Variants in CACNA1E observed in about 807,000 individuals in gnomAD.
CACNA1E encodes the protein calcium voltage-gated channel subunit alpha1 E, also known as voltage-dependent R-type calcium channel subunit alpha-1E.
A neutral mutation model predicts 259.2 loss-of-function variants in CACNA1E; 40 were observed. That is an observed-to-expected ratio of 0.15 (90% CI 0.12 to 0.20). The LOEUF is 0.20. CACNA1E is among the 10% of genes least tolerant of loss of function. The probability of loss-of-function intolerance (pLI) is 1.00; values close to 1 mark genes in which losing one functional copy is unlikely to be tolerated. For synonymous variants in CACNA1E, 1,104 were observed against 1,138.5 expected (o/e 0.97, Z 0.61); for missense variants, 1,874 against 3,040.1 (o/e 0.62, Z 9.02).
chr1:181,512,518 C>T (rs897031044), intron 3 of CACNA1E, among the ~76,000 whole-genome samples: 2 of 152,078 alleles, frequency 1.3e-5, no homozygotes, highest in East Asian at 3.8e-4. Context: ...AATTGTTTTC[C>T]AGGGAGGAGT....
intron 15 of CACNA1E, 127 bp from the exon 16 acceptor site, chr1:181,721,631 T>C (rs929779138): frequency 7.7e-6 from 4 of 517,136 alleles, no homozygotes; most frequent in Non-Finnish European, 1.4e-5. Flanking sequence ...TTTTTTTAAC[T>C]CCCTGGCAAG....
At chr1:181,695,818 G>A (rs1010467426) in intron 7 of CACNA1E, among the ~76,000 whole-genome samples, 1 of 152,132 alleles carries the variant, frequency 6.6e-6, no homozygotes, top group African/African-American at 2.4e-5. Context: ...ACCCAGGTGT[G>A]GTGGTGTCTG....
At chr1:181,346,236 C>G (rs1652583489) in intron 1 of CACNA1E, among the ~76,000 whole-genome samples, 1 of 152,230 alleles carries the variant, frequency 6.6e-6, no homozygotes. Context: ...GATCTTTTCT[C>G]AAAAGTCATT....
At chr1:181,564,640 T>C (rs1649640492) in intron 3 of CACNA1E, among the ~76,000 whole-genome samples, 1 of 152,238 alleles carries the variant, frequency 6.6e-6, no homozygotes, top group Non-Finnish European at 1.5e-5. Flanking sequence ...GCATGTAGAA[T>C]GGTGAGTCCT....
At chr1:181,562,306 T>C (rs927883330) in intron 3 of CACNA1E, among the ~76,000 whole-genome samples, 1 of 152,202 alleles carries the variant, frequency 6.6e-6, no homozygotes, top group Non-Finnish European at 1.5e-5. Context: ...CAATTCACTG[T>C]CCTACTGGTG....
chr1:181,755,209 A>G (rs1472399887), intron 27 of CACNA1E, 28 bp from the exon 28 acceptor site: 1 of 1,599,876 alleles, frequency 6.3e-7, no homozygotes, highest in Admixed American at 1.7e-5. Flanking sequence ...CAGGGTTCAC[A>G]CAGCAGGGCT....
At position 181,641,703 on chromosome 1, in the gene CACNA1E, G is replaced by GTTTTTTTTT. The variant is rs751082929; in HGVS notation, c.952-9615_952-9607dup. On this transcript the variant is annotated intron_variant, in intron 6 of 47. Transcript: ENST00000367573. Reference sequence around the variant, plus strand: ...GATCATGAGGCAACACTAATTTTTTGTTTTTTTTTTTTTTTTTTTTTTTTT... The same window carrying GTTTTTTTTT: ...GATCATGAGGCAACACTAATTTTTTGTTTTTTTTTTTTTTTTTTTTTTTTTTTTTTTTTT... Among the ~76,000 whole-genome samples, 18 of 81,128 alleles carry GTTTTTTTTT rather than the reference G, an allele frequency of 2.2e-4. 2 individuals are homozygous for GTTTTTTTTT. Among genetic ancestry groups the GTTTTTTTTT allele is most frequent in the Non-Finnish European group, 3.0e-4 (12 of 40,424 alleles). 53.2% of individuals were successfully genotyped at this position (81,128 alleles called of 152,430 possible). A position where few individuals can be genotyped will look rare whatever the true frequency, so the allele number is the denominator to read the frequency against.
intron 1 of CACNA1E, among the ~76,000 whole-genome samples, chr1:181,504,107 A>G (rs1288050682): frequency 6.6e-6 from 1 of 152,200 alleles, no homozygotes; most frequent in African/African-American, 2.4e-5. Context: ...ACATGCATGA[A>G]GGTGTCCATG....
intron 2 of CACNA1E, among the ~76,000 whole-genome samples, chr1:181,425,520 T>C (rs1659102310): frequency 6.9e-6 from 1 of 145,114 alleles, no homozygotes; most frequent in African/African-American, 2.8e-5. Flanking sequence ...GAAATTGCTG[T>C]ACACCCCCGC....
chr1:181,740,813 C>T (rs1000804483), intron 25 of CACNA1E, among the ~76,000 whole-genome samples: 1 of 152,182 alleles, frequency 6.6e-6, no homozygotes, highest in African/African-American at 2.4e-5. Context: ...TGTGGCTGGA[C>T]TGTTCTTGAG....
intron 1 of CACNA1E, among the ~76,000 whole-genome samples, chr1:181,371,178 T>C (rs1557949112): frequency 6.6e-6 from 1 of 152,258 alleles, no homozygotes; most frequent in East Asian, 1.9e-4. Flanking sequence ...AGATCTTTGC[T>C]GAATGCATAG....
At chr1:181,399,553 G>T (rs1183995104) in intron 1 of CACNA1E, among the ~76,000 whole-genome samples, 1 of 152,350 alleles carries the variant, frequency 6.6e-6, no homozygotes, top group Admixed American at 6.5e-5. Context: ...GGGGGAAAGA[G>T]GGTGGTAATG....
intron 7 of CACNA1E, among the ~76,000 whole-genome samples, chr1:181,656,016 T>C (rs1659177720): frequency 6.6e-6 from 1 of 152,168 alleles, no homozygotes; most frequent in Admixed American, 6.5e-5. Context: ...ACTCACATGG[T>C]TGTGGTGACG....
chr1:181,564,920 G>A (rs1044989194), intron 3 of CACNA1E, among the ~76,000 whole-genome samples: 5 of 151,762 alleles, frequency 3.3e-5, no homozygotes, highest in Admixed American at 6.6e-5. Context: ...TCTCAACAGT[G>A]GGCTTAAAAT....
At chr1:181,390,892 A>T (rs658955) in intron 1 of CACNA1E, among the ~76,000 whole-genome samples, 80,083 of 152,074 alleles carry the variant, frequency 0.53, 22,610 homozygotes, top group African/African-American at 0.75. Context: ...TGTTGGAAAG[A>T]TGCCCGAGGC....
chr1:181,526,019 G>A (rs1247708325), intron 3 of CACNA1E, among the ~76,000 whole-genome samples: 1 of 152,118 alleles, frequency 6.6e-6, no homozygotes, highest in Non-Finnish European at 1.5e-5. Context: ...TCTGGAAAAG[G>A]GCTCCTTAAT....
At chr1:181,671,034 A>T (rs2102197487) in intron 7 of CACNA1E, among the ~76,000 whole-genome samples, 1 of 152,270 alleles carries the variant, frequency 6.6e-6, no homozygotes, top group East Asian at 1.9e-4. Flanking sequence ...TTATTCATTT[A>T]TTATTATTGT....
chr1:181,365,794 G>A (rs577380200), intron 1 of CACNA1E, among the ~76,000 whole-genome samples: 103 of 152,350 alleles, frequency 6.8e-4, no homozygotes, highest in Admixed American at 2.2e-3. Context: ...GCAGGAAATG[G>A]CACCTAGGCA....
intron 3 of CACNA1E, among the ~76,000 whole-genome samples, chr1:181,511,809 C>A (rs1666194993): frequency 6.6e-6 from 1 of 152,220 alleles, no homozygotes; most frequent in African/African-American, 2.4e-5. Context: ...GCTAAACACC[C>A]ACTTCTCTGG....
Sources: allele counts gnomAD v4.1 joint callset (sites outside exome capture counted in the v4.1 genomes callset), GRCh38; gene constraint gnomAD v4.1.1; transcripts MANE v1.5; gene names NCBI Gene and HGNC (gene_info 2026-07-23, HGNC 2026-07-21).